Variants in PNPLA7 observed in about 807,000 individuals in gnomAD.
PNPLA7 encodes the protein patatin like domain 7, lysophospholipase.
Under a neutral mutation model 161.7 loss-of-function variants are expected in PNPLA7, and 153 were observed. The observed-to-expected ratio is 0.95, with a 90% CI of 0.83 to 1.08. The LOEUF (loss-of-function observed/expected upper bound fraction) is 1.08. Ranked by LOEUF, PNPLA7 falls within the 50% of genes least tolerant of loss-of-function variation. PNPLA7 has a pLI of 0.00. For synonymous variants in PNPLA7, 809 were observed against 782.1 expected, an observed-to-expected ratio of 1.03 and a Z score of -0.57; for missense variants, 1,739 against 1,856.6, an observed-to-expected ratio of 0.94 and a Z score of 1.16.
intron 8 of PNPLA7, among the ~76,000 whole-genome samples, chr9:137,534,743 C>A (rs1033266478): frequency 5.3e-5 from 8 of 152,140 alleles, no homozygotes; most frequent in African/African-American, 1.9e-4. Flanking sequence ...TTGTAGTTAA[C>A]CCATGTAACT....
chr9:137,498,849 T>A (rs759923128), intron 16 of PNPLA7, among the ~76,000 whole-genome samples: 3 of 150,974 alleles, frequency 2.0e-5, no homozygotes, highest in Non-Finnish European at 4.4e-5. Flanking sequence ...GGTGTGAGAG[T>A]GACGCCGGGC....
chr9:137,549,831 C>G (rs1439691071), intron 1 of PNPLA7, among the ~76,000 whole-genome samples: 2 of 152,134 alleles, frequency 1.3e-5, no homozygotes, highest in Non-Finnish European at 2.9e-5. Flanking sequence ...AACCATCAGG[C>G]AAAGTCCTAA....
At chr9:137,464,703 C>T (rs1211597544) in intron 26 of PNPLA7, 4 of 528,808 alleles carry the variant, frequency 7.6e-6, no homozygotes, top group African/African-American at 3.8e-5. Context: ...CCTAAGCCCT[C>T]GCTGGCCCTA....
intron 8 of PNPLA7, among the ~76,000 whole-genome samples, chr9:137,535,000 G>A (rs986166565): frequency 6.6e-6 from 1 of 152,114 alleles, no homozygotes; most frequent in Non-Finnish European, 1.5e-5. Flanking sequence ...TGTAAAGGAA[G>A]TTTTTTTTGG....
At chr9:137,533,598 AAC>A (rs1835709077) in intron 8 of PNPLA7, among the ~76,000 whole-genome samples, 2 of 141,362 alleles carry the variant, frequency 1.4e-5, no homozygotes, top group South Asian at 4.7e-4. Flanking sequence ...AATCCTCCAC[AAC>A]AGTGTCCACT....
chr9:137,485,105 T>C, intron 20 of PNPLA7, among the ~76,000 whole-genome samples: 1 of 152,212 alleles, frequency 6.6e-6, no homozygotes, highest in Non-Finnish European at 1.5e-5. Context: ...TCTCACGCCT[T>C]CCCCAGCTCT....
At chr9:137,489,337 T>C (rs960529046) in intron 20 of PNPLA7, among the ~76,000 whole-genome samples, 3 of 152,176 alleles carry the variant, frequency 2.0e-5, no homozygotes, top group African/African-American at 7.2e-5. Context: ...GGCCAGGACA[T>C]GCCCTGTGAA....
At chr9:137,484,835 G>A (rs1333487175) in intron 20 of PNPLA7, 99 bp from the exon 21 acceptor site, 5 of 1,401,936 alleles carry the variant, frequency 3.6e-6, no homozygotes, top group Non-Finnish European at 3.8e-6. Context: ...GAGCAACGCA[G>A]CAGCACCAGA....
Position 137,545,683 on chromosome 9 carries a change from C to T in PNPLA7, c.273+1147G>A, listed in dbSNP as rs559332162. Among the ~76,000 whole-genome samples, 166 of 152,200 alleles carry T rather than the reference C, an allele frequency of 1.1e-3. 1 individual carries two copies. The highest frequency in any genetic ancestry group is 1.6e-3 in the East Asian group (8 of 5,138). ...TTTATTCCAATATTATAATAATCCT[C>T]ACTCTATAATCATAGCCTAGGAAAA... is the stretch of plus-strand genomic sequence containing the variant. On this transcript the variant is annotated intron_variant, in intron 4 of 34. Transcript: ENST00000406427.
intron 4 of PNPLA7, among the ~76,000 whole-genome samples, chr9:137,545,534 C>T (rs1836452147): frequency 6.6e-6 from 1 of 152,042 alleles, no homozygotes; most frequent in Non-Finnish European, 1.5e-5. Context: ...GAGCGGCAAG[C>T]GACTGAGGGC....
chr9:137,463,222 TGCGTGTGCATGTACAC>T (rs1408645353), intron 29 of PNPLA7, 177 bp downstream of exon 29: 11 of 603,164 alleles, frequency 1.8e-5, no homozygotes, highest in South Asian at 6.0e-5. Context: ...TGCCGGTGCC[TGCGTGTGCATGTACAC>T]GCGTGTGCAT....
At chr9:137,511,202 T>C (rs373563033) in intron 12 of PNPLA7, among the ~76,000 whole-genome samples, 9 of 105,396 alleles carry the variant, frequency 8.5e-5, no homozygotes, top group African/African-American at 1.1e-4. Flanking sequence ...ACCCGTTACT[T>C]AGTGGACCTT....
intron 20 of PNPLA7, chr9:137,491,621 G>C: frequency 1.0e-6 from 1 of 985,418 alleles, no homozygotes. Flanking sequence ...ACCGCAAAAT[G>C]TGACCTTATT....
chr9:137,548,713 A>T (rs1204266545), intron 1 of PNPLA7, among the ~76,000 whole-genome samples: 1 of 152,146 alleles, frequency 6.6e-6, no homozygotes, highest in African/African-American at 2.4e-5. Context: ...GTGCTACTGC[A>T]CTCCAGCCTG....
At chr9:137,461,098 C>A in intron 33 of PNPLA7, 1 of 345,684 alleles carries the variant, frequency 2.9e-6, no homozygotes, top group South Asian at 3.3e-5. Flanking sequence ...GAAGACGTCT[C>A]CCAGGAGAAT....
In PNPLA7 at chr9:137,537,074, A is replaced by C. The variant is rs948939028; in HGVS notation, c.747+3568T>G. ...CACAACAGGAAGTCAGTGTGTCTAGAATGGATGGGTTAGGAAACAGCAAGA... is the reference window on the plus strand; with the variant it reads ...CACAACAGGAAGTCAGTGTGTCTAGCATGGATGGGTTAGGAAACAGCAAGA... On this transcript the variant is annotated intron_variant, in intron 8 of 34. Transcript: ENST00000406427. The surrounding 1 kb of genome is among the most constrained non-coding windows in gnomAD (Gnocchi z 4.5). Among the ~76,000 whole-genome samples the C allele has an allele frequency of 3.3e-5, 5 of 152,158 alleles. No homozygotes were observed. The highest frequency in any genetic ancestry group is 1.2e-4 in the African/African-American group (5 of 41,404).
rs1264174158 is a variant in PNPLA7 at position 137,466,706 on chromosome 9, C to G, written c.3039+611G>C. Among the ~76,000 whole-genome samples the G allele has an allele frequency of 2.7e-5, 4 of 145,616 alleles. No homozygotes were observed. In the South Asian group the frequency reaches 9.1e-4, roughly 33 times the overall value. On this transcript the variant is annotated intron_variant, in intron 26 of 34. Transcript: ENST00000406427. ...ACCACCATCTCCATCACCTCAGACC[C>G]GGGCACGGATCTGACCACCTCCCAC...
intron 12 of PNPLA7, among the ~76,000 whole-genome samples, chr9:137,507,708 G>C (rs1833995641): frequency 6.8e-6 from 1 of 147,258 alleles, no homozygotes; most frequent in South Asian, 2.2e-4. Context: ...GGCCAGGCAT[G>C]GTGGTATGCA....
At position 137,499,026 on chromosome 9, in the gene PNPLA7, C is replaced by T. The variant is rs1426565184; in HGVS notation, c.1758-781G>A. ...TGGGTGAGGGCGTGAAGGGCGTGAGCGTGGCACTTAGAGCCCTGGGGGTGG... is the reference window on the plus strand; with the variant it reads ...TGGGTGAGGGCGTGAAGGGCGTGAGTGTGGCACTTAGAGCCCTGGGGGTGG... On this transcript the variant is annotated intron_variant, in intron 16 of 34. Coordinates refer to ENST00000406427, the MANE Select transcript of PNPLA7 (RefSeq NM_001098537.3). This position sits in a 1 kb window ranked among gnomAD's most constrained non-coding sequence, Gnocchi z 5.5. Among the ~76,000 whole-genome samples the T allele has an allele frequency of 7.9e-5, 12 of 152,000 alleles. No individual in the cohort carries two copies. The highest frequency in any genetic ancestry group is 5.2e-4 in the Admixed American group (8 of 15,280).
Sources: gnomAD v4.1 joint callset for allele counts (sites outside exome capture counted in the v4.1 genomes callset) on GRCh38, gnomAD v4.1.1 for gene constraint, Gnocchi (gnomAD v3.1) non-coding constraint, MANE v1.5 for transcripts, NCBI Gene and HGNC (gene_info 2026-07-23, HGNC 2026-07-21) for gene names.